Variants in GYPE observed in about 807,000 individuals in gnomAD.
GYPE encodes the protein glycophorin-E.
In GYPE, 8 loss-of-function variants were observed where a neutral mutation model predicts 11.6. The ratio of observed to expected loss-of-function variants is 0.69; its 90% CI spans 0.41 to 1.25. The LOEUF (loss-of-function observed/expected upper bound fraction) is 1.25, where lower values mean the gene tolerates loss of function less well. GYPE is among the 50% of genes most tolerant of loss of function. The pLI is 0.01. For synonymous variants in GYPE, 28 were observed against 29.6 expected, an observed-to-expected ratio of 0.94 and a Z score of 0.18; for missense variants, 90 against 92.8, an observed-to-expected ratio of 0.97 and a Z score of 0.12.
chr4:143,905,397 A>C, intron 1 of GYPE, 74 bp downstream of exon 1: 1 of 1,606,300 alleles, frequency 6.2e-7, no homozygotes. Flanking sequence ...TAGAACTAAA[A>C]TAGGGTAGTT....
At chr4:143,902,880 T>C (rs1219691353) in intron 1 of GYPE, among the ~76,000 whole-genome samples, 1 of 152,162 alleles carries the variant, frequency 6.6e-6, no homozygotes, top group African/African-American at 2.4e-5. Flanking sequence ...GTTTATGCCA[T>C]AATTTCCTAG....
rs1440190175 is a variant in GYPE at position 143,900,616 on chromosome 4, A to G, written c.37+4855T>C. On this transcript the variant is annotated intron_variant, in intron 1 of 3. Coordinates refer to ENST00000358615, the MANE Select transcript of GYPE (RefSeq NM_198682.3). The stretch of plus-strand genomic sequence containing the variant: ...ATCAAATGATGGATGGATAAACAAA[A>G]TGTGATATACCAACACAATGGAATA... 2.8e-4 allele frequency among the ~76,000 whole-genome samples: 43 copies of G among 151,048 alleles called. 2 individuals are homozygous for G. Among genetic ancestry groups the G allele is most frequent in the Admixed American group, 2.2e-3 (33 of 15,100 alleles).
intron 1 of GYPE, among the ~76,000 whole-genome samples, chr4:143,884,855 G>A (rs1744176016): frequency 1.2e-5 from 1 of 85,844 alleles, no homozygotes. Context: ...TTGAAGAGGT[G>A]GTGAGGCACC....
intron 3 of GYPE, 58 bp downstream of exon 3, chr4:143,876,688 A>G (rs1743822471): frequency 3.6e-6 from 3 of 826,652 alleles, no homozygotes; most frequent in Non-Finnish European, 6.2e-6. Context: ...AGAGGAATAA[A>G]CCCTCCGAGA....
chr4:143,879,065 T>G (rs1338697423), intron 2 of GYPE, among the ~76,000 whole-genome samples: 4 of 152,182 alleles, frequency 2.6e-5, no homozygotes. Flanking sequence ...GCCAGTCCCA[T>G]GCAAAGAGGG....
At chr4:143,874,770 C>A (rs1743734887) in intron 3 of GYPE, among the ~76,000 whole-genome samples, 1 of 152,162 alleles carries the variant, frequency 6.6e-6, no homozygotes, top group South Asian at 2.1e-4. Context: ...TCAGAGATTT[C>A]TGACCCAGCC....
Position 143,875,244 on chromosome 4 carries a change from A to G in GYPE, c.*9+1502T>C, listed in dbSNP as rs1743751076. On this transcript the variant is annotated intron_variant, in intron 3 of 3. Transcript: ENST00000358615. ...TTCAGACCCTTCTTTCTTCTCATCT[A>G]TCCTACTGTAATGGGCTTTACATTT... 5 of 485,784 alleles carry G rather than the reference A, an allele frequency of 1.0e-5. No individual in the cohort carries two copies. In the South Asian group the frequency reaches 1.1e-4, roughly 11 times the overall value. The allele number at this position is 485,784 out of a possible 1,614,324, so 30.1% of individuals were successfully genotyped here.
At chr4:143,894,683 C>T (rs576823384) in intron 1 of GYPE, among the ~76,000 whole-genome samples, 11 of 152,190 alleles carry the variant, frequency 7.2e-5, no homozygotes, top group South Asian at 2.1e-4. Context: ...GTACCAGAGC[C>T]GGGCAGAGAC....
intron 1 of GYPE, among the ~76,000 whole-genome samples, chr4:143,887,647 G>T (rs1262158005): frequency 2.0e-5 from 3 of 150,708 alleles, no homozygotes; most frequent in Non-Finnish European, 3.0e-5. Context: ...AGAAAGGGGA[G>T]TATAACATGC....
In GYPE at chr4:143,874,229, CA is replaced by C. The variant is rs1444238091; in HGVS notation, c.*10-1978del. The stretch of plus-strand genomic sequence containing the variant: ...TAGAAAAAAAGTGTAAAGAAAAAGA[CA>C]AAAATTAGCTATAATCCCACCAAGT... On this transcript the variant is annotated intron_variant, in intron 3 of 3. Coordinates refer to ENST00000358615, the MANE Select transcript of GYPE (RefSeq NM_198682.3). 3.9e-5 allele frequency among the ~76,000 whole-genome samples: 6 copies of C among 151,970 alleles called. No homozygotes were observed. In the East Asian group the frequency reaches 1.2e-3, roughly 29 times the overall value.
At chr4:143,896,367 C>G (rs1464938804) in intron 1 of GYPE, among the ~76,000 whole-genome samples, 1 of 152,154 alleles carries the variant, frequency 6.6e-6, no homozygotes, top group Non-Finnish European at 1.5e-5. Context: ...AGATACTTCT[C>G]AAAAGAAGAC....
chr4:143,900,072 T>C (rs943045284), intron 1 of GYPE, among the ~76,000 whole-genome samples: 18 of 150,584 alleles, frequency 1.2e-4, no homozygotes, highest in Admixed American at 4.0e-4. Context: ...ATCCAGAACA[T>C]AGAAAGAACT....
intron 1 of GYPE, among the ~76,000 whole-genome samples, chr4:143,903,062 G>A (rs1157573778): frequency 1.3e-5 from 2 of 151,162 alleles, no homozygotes; most frequent in Non-Finnish European, 2.9e-5. Flanking sequence ...TTCAGGGTTG[G>A]CTCCATTCTC....
chr4:143,894,403 C>T (rs1303309441), intron 1 of GYPE, among the ~76,000 whole-genome samples: 1 of 151,896 alleles, frequency 6.6e-6, no homozygotes, highest in Non-Finnish European at 1.5e-5. Flanking sequence ...TTAGAGTTTC[C>T]AGTTTTTCTG....
At position 143,872,159 on chromosome 4, in the gene GYPE, C is replaced by T. The variant is rs1261043008; in HGVS notation, c.*103G>A. 1 of 152,516 alleles carries T rather than the reference C, an allele frequency of 6.6e-6. No individual in the cohort carries two copies. Among genetic ancestry groups the T allele is most frequent in the Non-Finnish European group, 1.5e-5 (1 of 68,018 alleles). The allele number at this position is 152,516 out of a possible 1,614,324, so 9.4% of individuals were successfully genotyped here. A position where few individuals can be genotyped will look rare whatever the true frequency, so the allele number is the denominator to read the frequency against. ...ACGTAAGCCAAGTTAGTAGCTACAGCCGTCAGGCACACAATTACACCATGA... is the reference window on the plus strand; with the variant it reads ...ACGTAAGCCAAGTTAGTAGCTACAGTCGTCAGGCACACAATTACACCATGA... On this transcript the variant is annotated 3_prime_UTR_variant, in exon 4 of 4. Transcript: ENST00000358615.
At chr4:143,901,661 A>T (rs1399757568) in intron 1 of GYPE, among the ~76,000 whole-genome samples, 3 of 151,742 alleles carry the variant, frequency 2.0e-5, no homozygotes, top group Non-Finnish European at 4.4e-5. Context: ...TGAGCAAAAG[A>T]TATTACATTT....
intron 2 of GYPE, among the ~76,000 whole-genome samples, chr4:143,879,357 T>C (rs1334779183): frequency 4.6e-5 from 7 of 152,214 alleles, no homozygotes; most frequent in South Asian, 4.1e-4. Flanking sequence ...ACTTAGTATA[T>C]ACTACGTTGT....
At chr4:143,901,271 G>C (rs565653441) in intron 1 of GYPE, among the ~76,000 whole-genome samples, 2 of 152,230 alleles carry the variant, frequency 1.3e-5, no homozygotes, top group African/African-American at 4.8e-5. Flanking sequence ...AAATTGTATA[G>C]TCATAGTCTA....
At position 143,890,524 on chromosome 4, in the gene GYPE, AGTTT is replaced by A. The variant is rs1744364468; in HGVS notation, c.38-10019_38-10016del. ...AATACAAAATTGCAGAAATGAAACT[AGTTT>A]GTTCTCATCCTTGACTGCATGGTAG... On this transcript the variant is annotated intron_variant, in intron 1 of 3. Transcript: ENST00000358615. Among the ~76,000 whole-genome samples, 7 of 152,310 alleles carry A rather than the reference AGTTT, an allele frequency of 4.6e-5. No homozygotes were observed. The South Asian group carries it at 1.5e-3, about 32-fold the overall frequency.
Sources: allele counts gnomAD v4.1 joint callset (sites outside exome capture counted in the v4.1 genomes callset), GRCh38; gene constraint gnomAD v4.1.1; transcripts MANE v1.5; gene names NCBI Gene and HGNC (gene_info 2026-07-23, HGNC 2026-07-21).